The following PCDHGB4 variants were observed in gnomAD, a reference collection of about 807,000 sequenced individuals.
PCDHGB4 encodes the protein protocadherin gamma subfamily B, 4, also known as protocadherin gamma-B4.
Under a neutral mutation model 60.5 loss-of-function variants are expected in PCDHGB4, and 38 were observed. That is an observed-to-expected ratio of 0.63 (90% confidence interval 0.48 to 0.82). The LOEUF is 0.82. PCDHGB4 is among the 40% of genes least tolerant of loss of function. The probability of loss-of-function intolerance (pLI) is 0.00; values close to 1 mark genes in which losing one functional copy is unlikely to be tolerated. For synonymous variants in PCDHGB4, 456 were observed against 509.7 expected (o/e 0.89, Z 1.42); for missense variants, 1,109 against 1,209.6 (o/e 0.92, Z 1.23).
Position 141,475,863 on chromosome 5 carries a change from C to G in PCDHGB4, c.2398-18944C>G, listed in dbSNP as rs1037784260. On this transcript the variant is annotated intron_variant, in intron 1 of 3. Transcript: ENST00000519479. ...TCAGAGAGCCCGGCGCTAGCTCATT[C>G]TTCGTGCAGTTATTGGCTGGGACTC... is the stretch of plus-strand genomic sequence containing the variant. 1.4e-5 allele frequency: 7 copies of G among 499,790 alleles called. 1 individual carries two copies. The highest frequency in any genetic ancestry group is 1.4e-4 in the African/African-American group (7 of 51,600). The allele number at this position is 499,790 out of a possible 1,614,324, so 31.0% of individuals were successfully genotyped here. A position where few individuals can be genotyped will look rare whatever the true frequency, so the allele number is the denominator to read the frequency against.
Position 141,415,396 on chromosome 5 carries a change from G to A in PCDHGB4, c.2397+25115G>A, listed in dbSNP as rs11575962. 4,865 of 1,614,204 alleles carry A rather than the reference G, an allele frequency of 3.0e-3. 27 individuals are homozygous for A. The highest frequency in any genetic ancestry group is 0.011 in the Admixed American group (656 of 60,024). ...AGGAGGCGGCTTGACAGGTGTGTCC[G>A]GCTCGCACTTTGTGGGCGTGGACGG... On this transcript the variant is annotated intron_variant, in intron 1 of 3. Coordinates refer to ENST00000519479, the MANE Select transcript of PCDHGB4 (RefSeq NM_003736.4).
intron 1 of PCDHGB4, chr5:141,419,822 T>A: frequency 6.2e-7 from 1 of 1,614,058 alleles, no homozygotes; most frequent in Non-Finnish European, 8.5e-7. Flanking sequence ...GCCACCCCTT[T>A]CAGCCACTGC....
At chr5:141,410,619 C>G in intron 1 of PCDHGB4, 1 of 1,603,732 alleles carries the variant, frequency 6.2e-7, no homozygotes, top group Admixed American at 1.7e-5. Context: ...ACTCTGACTT[C>G]GGTGAGTTTC....
chr5:141,448,190 C>T (rs1426828578), intron 1 of PCDHGB4, among the ~76,000 whole-genome samples: 1 of 152,118 alleles, frequency 6.6e-6, no homozygotes, highest in Non-Finnish European at 1.5e-5. Flanking sequence ...GTTATGTACA[C>T]TTACAAACAT....
At chr5:141,492,659 T>C (rs2099742881) in intron 1 of PCDHGB4, among the ~76,000 whole-genome samples, 1 of 152,182 alleles carries the variant, frequency 6.6e-6, no homozygotes, top group Non-Finnish European at 1.5e-5. Context: ...GTCCGGATGG[T>C]CCCGGGACTC....
chr5:141,449,630 T>G (rs1006977026), intron 1 of PCDHGB4, among the ~76,000 whole-genome samples: 2 of 150,024 alleles, frequency 1.3e-5, no homozygotes, highest in Non-Finnish European at 3.0e-5. Flanking sequence ...TTTAAAAAGA[T>G]GTATCTATAT....
At chr5:141,445,427 C>G (rs964779092) in intron 1 of PCDHGB4, among the ~76,000 whole-genome samples, 4 of 152,152 alleles carry the variant, frequency 2.6e-5, no homozygotes, top group African/African-American at 9.7e-5. Flanking sequence ...ATATGCAAGG[C>G]ACTGACCTAT....
chr5:141,393,475 C>G lies in PCDHGB4; in HGVS notation c.2397+3194C>G, dbSNP rs200282311. The G allele has an allele frequency of 1.2e-3, 1,881 of 1,614,046 alleles. 9 individuals are homozygous for G. Among genetic ancestry groups the G allele is most frequent in the South Asian group, 3.4e-3 (312 of 91,088 alleles). On this transcript the variant is annotated intron_variant, in intron 1 of 3. Coordinates refer to ENST00000519479, the MANE Select transcript of PCDHGB4 (RefSeq NM_003736.4). ...ACGGCCTCGGATGGCGGCAAGCCGC[C>G]TCGCTCTAGCACAGTGCGCATCCAC... is the stretch of plus-strand genomic sequence containing the variant.
chr5:141,409,669 C>A, intron 1 of PCDHGB4: 1 of 1,613,528 alleles, frequency 6.2e-7, no homozygotes, highest in Non-Finnish European at 8.5e-7. Context: ...ACATCTCCTA[C>A]TCTATAGTGG....
chr5:141,432,635 G>C lies in PCDHGB4; in HGVS notation c.2397+42354G>C, dbSNP rs754354737. On this transcript the variant is annotated intron_variant, in intron 1 of 3. Transcript: ENST00000519479. The surrounding 1 kb of genome is among the most constrained non-coding windows in gnomAD (Gnocchi z 6.0). ...CTCGGTGGGTCTGCACACGGGCGAG[G>C]TGCGCACGGCGCGAGCCCTGCTGGA... The C allele has an allele frequency of 5.6e-6, 9 of 1,612,886 alleles. No individual in the cohort carries two copies. Among genetic ancestry groups the C allele is most frequent in the Non-Finnish European group, 7.6e-6 (9 of 1,179,742 alleles).
chr5:141,494,678 G>A, intron 1 of PCDHGB4, 129 bp from the exon 2 acceptor site: 1 of 1,554,384 alleles, frequency 6.4e-7, no homozygotes, highest in Non-Finnish European at 8.7e-7. Flanking sequence ...GTCCACCCCT[G>A]CCCCCTCTTA....
rs1183309479 is a variant in PCDHGB4 at position 141,404,628 on chromosome 5, C to G, written c.2397+14347C>G. 1.9e-6 allele frequency: 3 copies of G among 1,614,100 alleles called. No homozygotes were observed. In the South Asian group the frequency reaches 3.3e-5, roughly 18 times the overall value. Reference sequence around the variant, plus strand: ...TTTGTTTTGGACCAGAATGACAATGCCCCAGAAATCCTGTACCCTGCCCTC... The same window carrying G: ...TTTGTTTTGGACCAGAATGACAATGGCCCAGAAATCCTGTACCCTGCCCTC... On this transcript the variant is annotated intron_variant, in intron 1 of 3. Transcript: ENST00000519479.
intron 2 of PCDHGB4, 141 bp downstream of exon 2, chr5:141,495,006 G>C (rs1030195663): frequency 2.0e-6 from 3 of 1,521,446 alleles, no homozygotes; most frequent in Non-Finnish European, 8.8e-7. Flanking sequence ...CTTGGTGTGC[G>C]GGGGGCTGGC....
In PCDHGB4 at chr5:141,388,448, C is replaced by CA; in HGVS notation, c.565dup (p.Ser189LysfsTer2). 6.2e-7 allele frequency: 1 copy of CA among 1,613,760 alleles called. No individual in the cohort carries two copies. Among genetic ancestry groups the CA allele is most frequent in the Non-Finnish European group, 8.5e-7 (1 of 1,179,846 alleles). ...TGATAAATAAAGAGAAATCAGATGG[C>CA]AGTAAATACCCTGAGATGGTATTGA... On this transcript the variant is annotated frameshift_variant, in exon 1 of 4. Transcript: ENST00000519479. LOFTEE classifies it high-confidence loss of function.
In PCDHGB4 at chr5:141,421,902, C is replaced by T. The variant is rs1218675162; in HGVS notation, c.2397+31621C>T. 4 of 1,613,706 alleles carry T rather than the reference C, an allele frequency of 2.5e-6. No homozygotes were observed. The South Asian group carries it at 3.3e-5, about 13-fold the overall frequency. On this transcript the variant is annotated intron_variant, in intron 1 of 3. Coordinates refer to ENST00000519479, the MANE Select transcript of PCDHGB4 (RefSeq NM_003736.4). Reference sequence around the variant, plus strand: ...ATGGAGGCGATCCCATCCGAAAGGGCGCAGTTCCCATTCGTGTGGTGGTCC... The same window carrying T: ...ATGGAGGCGATCCCATCCGAAAGGGTGCAGTTCCCATTCGTGTGGTGGTCC...
chr5:141,424,203 GC>G (rs777832241), intron 1 of PCDHGB4: 3 of 175,740 alleles, frequency 1.7e-5, no homozygotes, highest in Non-Finnish European at 3.6e-5. Flanking sequence ...ATACACGTAA[GC>G]TTTTCTCTGA....
In PCDHGB4 at chr5:141,460,596, C is replaced by A. The variant is rs930441447; in HGVS notation, c.2398-34211C>A. On this transcript the variant is annotated intron_variant, in intron 1 of 3. Transcript: ENST00000519479. ...TGTAGGTGTGGGTTTTTTCTGGGCT[C>A]TCTGTGTTAGATGGATAGATAGACA... Among the ~76,000 whole-genome samples the A allele has an allele frequency of 1.3e-5, 2 of 151,986 alleles. 1 individual carries two copies. The highest frequency in any genetic ancestry group is 4.1e-4 in the South Asian group (2 of 4,824).
chr5:141,477,569 G>A lies in PCDHGB4; in HGVS notation c.2398-17238G>A. The A allele has an allele frequency of 6.2e-7, 1 of 1,614,104 alleles. No homozygotes were observed. Among genetic ancestry groups the A allele is most frequent in the Non-Finnish European group, 8.5e-7 (1 of 1,180,024 alleles). On this transcript the variant is annotated intron_variant, in intron 1 of 3. Coordinates refer to ENST00000519479, the MANE Select transcript of PCDHGB4 (RefSeq NM_003736.4). This position sits in a 1 kb window ranked among gnomAD's most constrained non-coding sequence, Gnocchi z 4.9. ...ACTAAACCTAAGTGTCTGGGACCCC[G>A]ACGCCCCGCAGAATGCTCGGCTTTC...
At chr5:141,394,743 G>A (rs928437652) in intron 1 of PCDHGB4, 4 of 1,613,314 alleles carry the variant, frequency 2.5e-6, no homozygotes, top group Non-Finnish European at 3.4e-6. Flanking sequence ...GAGCCTCGTG[G>A]TGGCCGTCCA....
Sources: allele counts gnomAD v4.1 joint callset (sites outside exome capture counted in the v4.1 genomes callset), GRCh38; gene constraint gnomAD v4.1.1; non-coding constraint Gnocchi (gnomAD v3.1); transcripts MANE v1.5; gene names NCBI Gene and HGNC (gene_info 2026-07-23, HGNC 2026-07-21).